XPO1: variants seen among roughly 807,000 people sequenced by gnomAD.
XPO1 encodes exportin 1.
A neutral mutation model predicts 133.3 loss-of-function variants in XPO1; 5 were observed. The observed-to-expected ratio is 0.04, with a 90% CI of 0.02 to 0.08. XPO1 has a LOEUF of 0.08. Among genes scored for constraint, XPO1 ranks in the 10% least tolerant of loss-of-function variants. The pLI is 1.00. For missense variants in XPO1, 506 were observed against 1,267.5 expected (o/e 0.40, Z 9.12); for synonymous variants, 419 against 408.2 (o/e 1.03, Z -0.32).
chr2:61,534,047 G>T, intron 1 of XPO1, 144 bp from the exon 2 acceptor site: 1 of 743,448 alleles, frequency 1.3e-6, no homozygotes, highest in Non-Finnish European at 1.9e-6. Flanking sequence ...AACTGAGATA[G>T]TAAAAGCAAG....
intron 23 of XPO1, among the ~76,000 whole-genome samples, chr2:61,482,034 C>CTTTTTTTTTTTTTTTTTTTGTT (rs1696392435): frequency 1.4e-5 from 1 of 71,368 alleles, no homozygotes; most frequent in Non-Finnish European, 2.7e-5. Context: ...CGTGCGTGGC[C>CTTTTTTTTTTTTTTTTTTTGTT]TTTTTTTTTT....
At chr2:61,500,321 C>T (rs545353437) in intron 6 of XPO1, among the ~76,000 whole-genome samples, 1 of 152,184 alleles carries the variant, frequency 6.6e-6, no homozygotes, top group East Asian at 1.9e-4. Context: ...TAGCTCGTGC[C>T]TGTAATCCCA....
At position 61,538,211 on chromosome 2, in the gene XPO1, C is replaced by A. The variant is rs1048900109; in HGVS notation, c.-656G>T. Reference sequence around the variant, plus strand: ...TGTTGCTCTTGCTGATGCTGTAGCTCCCGCTGCTCCTGCCGCGGCCGCTGC... The same window carrying A: ...TGTTGCTCTTGCTGATGCTGTAGCTACCGCTGCTCCTGCCGCGGCCGCTGC... On this transcript the variant is annotated 5_prime_UTR_variant, in exon 1 of 25. Coordinates refer to ENST00000401558, the MANE Select transcript of XPO1 (RefSeq NM_003400.4). 1 of 195,940 alleles carries A rather than the reference C, an allele frequency of 5.1e-6. No individual in the cohort carries two copies. Among genetic ancestry groups the A allele is most frequent in the Non-Finnish European group, 1.0e-5 (1 of 95,382 alleles). The allele number at this position is 195,940 out of a possible 1,614,324, so 12.1% of individuals were successfully genotyped here. A position where few individuals can be genotyped will look rare whatever the true frequency, so the allele number is the denominator to read the frequency against.
intron 1 of XPO1, chr2:61,536,637 C>G (rs1270621877): frequency 6.6e-6 from 1 of 152,278 alleles, no homozygotes; most frequent in South Asian, 2.1e-4. Flanking sequence ...CATTAGGGCC[C>G]GCCCTCCCCT....
intron 2 of XPO1, among the ~76,000 whole-genome samples, chr2:61,527,576 TAAATACAA>T (rs1373392279): frequency 6.6e-6 from 1 of 152,154 alleles, no homozygotes; most frequent in African/African-American, 2.4e-5. Flanking sequence ...AAGATCTCTC[TAAATACAA>T]AAATACATTT....
chr2:61,489,226 C>A (rs1696845961), intron 17 of XPO1, among the ~76,000 whole-genome samples: 1 of 151,958 alleles, frequency 6.6e-6, no homozygotes, highest in African/African-American at 2.4e-5. Flanking sequence ...CCAGCCTGAC[C>A]AACATGGAGA....
chr2:61,491,411 ACT>A (rs1481362513), intron 16 of XPO1, among the ~76,000 whole-genome samples: 1 of 151,494 alleles, frequency 6.6e-6, no homozygotes, highest in Admixed American at 6.6e-5. Context: ...AGATTGCGCC[ACT>A]GCACTCCAGC....
At chr2:61,481,053 G>C (rs1696324565) in intron 24 of XPO1, 132 bp downstream of exon 24, 1 of 520,578 alleles carries the variant, frequency 1.9e-6, no homozygotes, top group Admixed American at 3.9e-5. Flanking sequence ...TGATTACAGA[G>C]ATTGTGTAAA....
chr2:61,482,915 G>A (rs753114966), intron 22 of XPO1, 42 bp downstream of exon 22: 13 of 1,610,866 alleles, frequency 8.1e-6, no homozygotes, highest in Non-Finnish European at 1.1e-5. Context: ...GAGGCCCTGT[G>A]CCCAGCTGGC....
At chr2:61,510,391 C>G (rs1177033572) in intron 4 of XPO1, among the ~76,000 whole-genome samples, 3 of 152,146 alleles carry the variant, frequency 2.0e-5, no homozygotes, top group African/African-American at 7.2e-5. Context: ...CTACTGTTCT[C>G]TCAATGAAAT....
At chr2:61,525,973 T>A in intron 3 of XPO1, 1 of 1,057,804 alleles carries the variant, frequency 9.5e-7, no homozygotes, top group Non-Finnish European at 1.1e-6. Flanking sequence ...CATTTTCCAT[T>A]GTAAATAAAA....
intron 24 of XPO1, among the ~76,000 whole-genome samples, chr2:61,479,370 T>A (rs1696216647): frequency 6.6e-6 from 1 of 151,896 alleles, no homozygotes; most frequent in Non-Finnish European, 1.5e-5. Flanking sequence ...GAGAATCACT[T>A]GAACCTGCAT....
At chr2:61,511,357 C>G (rs1698089442) in intron 4 of XPO1, among the ~76,000 whole-genome samples, 1 of 152,110 alleles carries the variant, frequency 6.6e-6, no homozygotes, top group Admixed American at 6.6e-5. Flanking sequence ...GAACTCCCAA[C>G]CTCAGGTGAT....
At chr2:61,488,868 G>T in intron 17 of XPO1, 97 bp from the exon 18 acceptor site, 4 of 1,306,552 alleles carry the variant, frequency 3.1e-6, no homozygotes, top group Non-Finnish European at 4.3e-6. Flanking sequence ...CTGAGAGGCC[G>T]AGGCGGGCGG....
chr2:61,516,602 T>A (rs1343721698), intron 4 of XPO1, among the ~76,000 whole-genome samples: 1 of 151,702 alleles, frequency 6.6e-6, no homozygotes, highest in Non-Finnish European at 1.5e-5. Context: ...GTAGTAGAGA[T>A]GGGGTTTCTC....
In XPO1 at chr2:61,493,903, C is replaced by A. The variant is rs1558641037; in HGVS notation, c.1236G>T (p.Met412Ile). The change falls in exon 12 of 25, where the codon ATG (methionine) becomes ATT (isoleucine). Residue 412 changes from methionine to isoleucine, a missense_variant. By Grantham distance (10) the Met-to-Ile change is conservative (BLOSUM62 1). This residue lies in a region of XPO1 where 134 missense variants were observed against 261.6 expected (regional missense o/e 0.51). Coordinates refer to ENST00000401558, the MANE Select transcript of XPO1 (RefSeq NM_003400.4). The stretch of plus-strand genomic sequence containing the variant: ...CCAACCGCTCTGTTACCTTGAATAA[C>A]ATGGGCAAATATAGCTGTCTCCTGG... ...VPPRRQLYLP[M>I]LFKVRLLMVS... 8.1e-6 allele frequency: 13 copies of A among 1,614,064 alleles called. No homozygotes were observed. Among genetic ancestry groups the A allele is most frequent in the Admixed American group, 1.7e-5 (1 of 60,004 alleles).
At chr2:61,483,911 TGAA>T in intron 21 of XPO1, 23 bp downstream of exon 21, 1 of 1,605,648 alleles carries the variant, frequency 6.2e-7, no homozygotes, top group Non-Finnish European at 8.5e-7. Flanking sequence ...GGCAGGCAAA[TGAA>T]TAAAAGAACA....
intron 23 of XPO1, among the ~76,000 whole-genome samples, chr2:61,482,033 C>CTTTTTTTTTTGTTTTTTTTT (rs1491506588): frequency 1.2e-5 from 1 of 86,820 alleles, no homozygotes; most frequent in Non-Finnish European, 2.5e-5. Context: ...CCGTGCGTGG[C>CTTTTTTTTTTGTTTTTTTTT]CTTTTTTTTT....
chr2:61,513,390 G>T (rs1698194652), intron 4 of XPO1, among the ~76,000 whole-genome samples: 1 of 138,234 alleles, frequency 7.2e-6, no homozygotes, highest in Admixed American at 7.6e-5. Context: ...TTTTGAGAGA[G>T]AGTCTTGCTC....
Sources: gnomAD v4.1 joint callset for allele counts (sites outside exome capture counted in the v4.1 genomes callset) on GRCh38, gnomAD v4.1.1 for gene constraint, gnomAD v4.1.1 regional missense constraint, MANE v1.5 for transcripts, NCBI Gene and HGNC (gene_info 2026-07-23, HGNC 2026-07-21) for gene names.